The following RANBP3 variants were observed in gnomAD, a reference collection of about 807,000 sequenced individuals.
RANBP3 encodes the protein ran-binding protein 3.
Under a neutral mutation model 77.3 loss-of-function variants are expected in RANBP3, and 14 were observed. That is an observed-to-expected ratio of 0.18 (90% CI 0.12 to 0.28). RANBP3 has a LOEUF of 0.28. RANBP3 is among the 10% of genes least tolerant of loss of function. RANBP3 has a pLI of 1.00. For missense variants in RANBP3, 586 were observed against 752.3 expected (o/e 0.78, Z 2.59); for synonymous variants, 315 against 312.4 (o/e 1.01, Z -0.09).
At chr19:5,923,940 G>C in intron 11 of RANBP3, 26 bp from the exon 12 acceptor site, 1 of 1,560,970 alleles carries the variant, frequency 6.4e-7, no homozygotes, top group Non-Finnish European at 8.8e-7. Context: ...AGCATACAAG[G>C]AAGAGGGCAC....
chr19:5,977,198 C>T (rs2058602409), intron 1 of RANBP3, among the ~76,000 whole-genome samples: 1 of 151,918 alleles, frequency 6.6e-6, no homozygotes, highest in East Asian at 1.9e-4. Context: ...ATTTGTGCAA[C>T]TAGAAAAGGG....
chr19:5,922,776 C>A (rs1372968948), intron 13 of RANBP3, among the ~76,000 whole-genome samples: 1 of 152,118 alleles, frequency 6.6e-6, no homozygotes, highest in East Asian at 1.9e-4. Flanking sequence ...CCCGTCTCTA[C>A]TAAAAATACA....
At chr19:5,941,582 A>G (rs374669655) in intron 5 of RANBP3, 39 bp downstream of exon 5, 11 of 1,539,992 alleles carry the variant, frequency 7.1e-6, no homozygotes, top group Non-Finnish European at 8.9e-6. Flanking sequence ...GTTTGTAAGC[A>G]TAAACGCTTT....
At chr19:5,956,478 G>GA (rs2058336221) in intron 2 of RANBP3, among the ~76,000 whole-genome samples, 1 of 152,174 alleles carries the variant, frequency 6.6e-6, no homozygotes, top group African/African-American at 2.4e-5. Context: ...GAAATACCTG[G>GA]AGAACCAAAA....
chr19:5,975,166 G>A (rs1206048387), intron 1 of RANBP3, among the ~76,000 whole-genome samples: 1 of 152,174 alleles, frequency 6.6e-6, no homozygotes, highest in African/African-American at 2.4e-5. Flanking sequence ...ACCAGAAATG[G>A]AGTGTTCAAG....
In RANBP3 at chr19:5,917,912, G is replaced by A. The variant is rs762586031; in HGVS notation, c.1542C>T (p.Arg514=). The A allele has an allele frequency of 5.3e-5, 85 of 1,612,836 alleles. No homozygotes were observed. Among genetic ancestry groups the A allele is most frequent in the East Asian group, 1.3e-4 (6 of 44,886 alleles). ...LHHRILALRS[R]VEQEQEAKMP... The stretch of plus-strand genomic sequence containing the variant: ...TCTTGGCCTCCTGCTCCTGCTCCAC[G>A]CGGCTGCGCAGGGCCAGGATGCGGT... Residue 514 remains arginine, a synonymous_variant, in exon 16 of 17, where the codon CGC becomes CGT. Transcript: ENST00000340578.
chr19:5,923,636 T>A (rs1000874407), intron 12 of RANBP3, among the ~76,000 whole-genome samples, 176 bp downstream of exon 12: 1 of 152,094 alleles, frequency 6.6e-6, no homozygotes, highest in African/African-American at 2.4e-5. Flanking sequence ...GCCCTCGAGT[T>A]CTTTATCACA....
chr19:5,918,746 A>C, intron 14 of RANBP3, 108 bp from the exon 15 acceptor site: 2 of 1,382,850 alleles, frequency 1.4e-6, no homozygotes, highest in African/African-American at 1.4e-5. Flanking sequence ...CACCGCGCAA[A>C]AGCCCATGAT....
At chr19:5,918,010 G>A (rs763052195) in intron 15 of RANBP3, 30 bp from the exon 16 acceptor site, 3 of 1,554,112 alleles carry the variant, frequency 1.9e-6, no homozygotes, top group Non-Finnish European at 2.6e-6. Flanking sequence ...TGAGACCCCC[G>A]GACCCCAGTC....
intron 12 of RANBP3, 98 bp from the exon 13 acceptor site, chr19:5,923,401 C>A: frequency 8.1e-7 from 1 of 1,238,038 alleles, no homozygotes; most frequent in South Asian, 1.3e-5. Flanking sequence ...GTTCTGGTCT[C>A]AAGGACGCCT....
chr19:5,932,760 G>A (rs759048428), intron 6 of RANBP3: 12 of 566,852 alleles, frequency 2.1e-5, no homozygotes, highest in South Asian at 1.5e-4. Flanking sequence ...CCCAGTGACC[G>A]ACGCCTGTGA....
In RANBP3 at chr19:5,924,488, G is replaced by A. The variant is rs368719878; in HGVS notation, c.996+339C>T. ...CCTGTCCACCAGCACGGCTGGCTCCGTCCCACAGGACTTTTGTCAGTTGGC... is the reference window on the plus strand; with the variant it reads ...CCTGTCCACCAGCACGGCTGGCTCCATCCCACAGGACTTTTGTCAGTTGGC... On this transcript the variant is annotated intron_variant, in intron 11 of 16. Coordinates refer to ENST00000340578, the MANE Select transcript of RANBP3 (RefSeq NM_007322.3). The surrounding 1 kb of genome is among the most constrained non-coding windows in gnomAD (Gnocchi z 4.7). 5.9e-5 allele frequency among the ~76,000 whole-genome samples: 9 copies of A among 152,362 alleles called. No individual in the cohort carries two copies. Among genetic ancestry groups the A allele is most frequent in the South Asian group, 2.1e-4 (1 of 4,824 alleles).
Position 5,937,228 on chromosome 19 carries a change from G to C in RANBP3, c.407-3749C>G, listed in dbSNP as rs149852544. 8.0e-3 allele frequency among the ~76,000 whole-genome samples: 1,211 copies of C among 152,180 alleles called. 10 individuals are homozygous for C. The highest frequency in any genetic ancestry group is 0.012 in the Non-Finnish European group (843 of 68,014). The stretch of plus-strand genomic sequence containing the variant: ...TCTCTCAGAAACCATCCAGCACAAA[G>C]GGGAAAGTAGCTTTACAGTGGTGAA... On this transcript the variant is annotated intron_variant, in intron 5 of 16. Transcript: ENST00000340578.
intron 1 of RANBP3, among the ~76,000 whole-genome samples, chr19:5,960,954 C>T (rs2058392537): frequency 6.6e-6 from 1 of 152,204 alleles, no homozygotes; most frequent in Non-Finnish European, 1.5e-5. Flanking sequence ...GGGTCAAGCT[C>T]TGAAAGGAGC....
In RANBP3 at chr19:5,921,335, G is replaced by A; in HGVS notation, c.1210-14C>T. ...CTTGCACTGCATCTGGAACACAGTG[G>A]CCGCCGGTAAGCAGGGACCCCAGCT... On this transcript the variant is annotated splice_polypyrimidine_tract_variant and intron_variant, in intron 13 of 16. Coordinates refer to ENST00000340578, the MANE Select transcript of RANBP3 (RefSeq NM_007322.3). The surrounding 1 kb of genome is among the most constrained non-coding windows in gnomAD (Gnocchi z 5.3). 6.2e-7 allele frequency: 1 copy of A among 1,612,696 alleles called. No homozygotes were observed. The highest frequency in any genetic ancestry group is 8.5e-7 in the Non-Finnish European group (1 of 1,179,436).
In RANBP3 at chr19:5,921,893, C is replaced by A. The variant is rs1599718909; in HGVS notation, c.1210-572G>T. 6.6e-6 allele frequency among the ~76,000 whole-genome samples: 1 copy of A among 152,226 alleles called. No individual in the cohort carries two copies. On this transcript the variant is annotated intron_variant, in intron 13 of 16. Coordinates refer to ENST00000340578, the MANE Select transcript of RANBP3 (RefSeq NM_007322.3). The surrounding 1 kb of genome is among the most constrained non-coding windows in gnomAD (Gnocchi z 5.3). The stretch of plus-strand genomic sequence containing the variant: ...GTCTTAATAAAGAACAAGGCTCCGA[C>A]CCCCGCTGCAACGTGGATGAACCTC...
rs1286123571 is a variant in RANBP3, at chr19:5,924,145, G to A, written c.997-231C>T. ...TCGAGCCACACTGGTCACTCCGTCT[G>A]GGTGAGGCAAGACTTTGAACATTTC... On this transcript the variant is annotated intron_variant, in intron 11 of 16. Coordinates refer to ENST00000340578, the MANE Select transcript of RANBP3 (RefSeq NM_007322.3). The surrounding 1 kb of genome is among the most constrained non-coding windows in gnomAD (Gnocchi z 4.7). 6.6e-6 allele frequency among the ~76,000 whole-genome samples: 1 copy of A among 152,216 alleles called. No homozygotes were observed. Among genetic ancestry groups the A allele is most frequent in the Admixed American group, 6.5e-5 (1 of 15,278 alleles).
chr19:5,949,114 G>C (rs906951140), intron 3 of RANBP3, among the ~76,000 whole-genome samples: 2 of 152,182 alleles, frequency 1.3e-5, no homozygotes, highest in African/African-American at 4.8e-5. Context: ...TCCCCCCAGG[G>C]ACCATGGAAT....
At chr19:5,938,932 TC>T (rs2058099120) in intron 5 of RANBP3, among the ~76,000 whole-genome samples, 1 of 151,552 alleles carries the variant, frequency 6.6e-6, no homozygotes, top group African/African-American at 2.4e-5. Context: ...TGCCTGTAAT[TC>T]CAGTACTTTG....
Sources: allele counts gnomAD v4.1 joint callset (sites outside exome capture counted in the v4.1 genomes callset), GRCh38; gene constraint gnomAD v4.1.1; non-coding constraint Gnocchi (gnomAD v3.1); transcripts MANE v1.5; gene names NCBI Gene and HGNC (gene_info 2026-07-23, HGNC 2026-07-21).